Variants in CTIF observed in about 807,000 individuals in gnomAD.
CTIF encodes the protein cap binding complex dependent translation initiation factor.
In CTIF, 21 loss-of-function variants were observed where a neutral mutation model predicts 66.0. The ratio of observed to expected loss-of-function variants is 0.32; its 90% CI spans 0.23 to 0.46. The LOEUF (loss-of-function observed/expected upper bound fraction) is 0.46. CTIF is among the 20% of genes least tolerant of loss of function. The probability of loss-of-function intolerance (pLI) is 1.00; values close to 1 mark genes in which losing one functional copy is unlikely to be tolerated. For missense variants in CTIF, 739 were observed against 812.7 expected, an observed-to-expected ratio of 0.91 and a Z score of 1.10; for synonymous variants, 345 against 326.4, an observed-to-expected ratio of 1.06 and a Z score of -0.62.
In CTIF at chr18:48,639,230, G is replaced by T. The variant is rs181904309; in HGVS notation, c.252+2545G>T. ...CCTGTGCTGTATGAAATTGCTTACA[G>T]CCACGGAAACCTCTGAAGGTTGGAG... On this transcript the variant is annotated intron_variant, in intron 3 of 11. Coordinates refer to ENST00000256413, the MANE Select transcript of CTIF (RefSeq NM_014772.3). 4.5e-3 allele frequency among the ~76,000 whole-genome samples: 683 copies of T among 152,364 alleles called. 7 individuals are homozygous for T. The highest frequency in any genetic ancestry group is 0.016 in the African/African-American group (649 of 41,580).
At chr18:48,694,883 G>A (rs2091983216) in intron 6 of CTIF, among the ~76,000 whole-genome samples, 1 of 152,052 alleles carries the variant, frequency 6.6e-6, no homozygotes, top group South Asian at 2.1e-4. Flanking sequence ...TTAAAATACA[G>A]TTCCACACAG....
At chr18:48,620,082 G>C (rs537838950) in intron 2 of CTIF, among the ~76,000 whole-genome samples, 1 of 152,348 alleles carries the variant, frequency 6.6e-6, no homozygotes, top group South Asian at 2.1e-4. Context: ...TGTTCTAGGA[G>C]AGATCTGGAG....
chr18:48,854,555 A>G (rs1599171591), intron 10 of CTIF, among the ~76,000 whole-genome samples: 1 of 152,128 alleles, frequency 6.6e-6, no homozygotes, highest in Non-Finnish European at 1.5e-5. Context: ...CCTAGGCCAC[A>G]CTGCCACCAT....
chr18:48,756,729 T>TTTGA (rs1908401598), intron 7 of CTIF, among the ~76,000 whole-genome samples: 2 of 152,210 alleles, frequency 1.3e-5, no homozygotes, highest in South Asian at 4.1e-4. Context: ...GGAAGCAGCC[T>TTTGA]TTGAGCCAGC....
At chr18:48,788,915 G>A (rs1347972696) in intron 9 of CTIF, among the ~76,000 whole-genome samples, 1 of 152,140 alleles carries the variant, frequency 6.6e-6, no homozygotes, top group Admixed American at 6.5e-5. Flanking sequence ...ACTGAGTCTG[G>A]TTAACGATGG....
At chr18:48,818,729 T>C (rs2068421588) in intron 10 of CTIF, among the ~76,000 whole-genome samples, 1 of 152,000 alleles carries the variant, frequency 6.6e-6, no homozygotes, top group Admixed American at 6.6e-5. Context: ...CCCCATGTTG[T>C]ACCCTCCCAC....
chr18:48,855,894 C>T (rs1321181614), intron 10 of CTIF, among the ~76,000 whole-genome samples: 1 of 152,092 alleles, frequency 6.6e-6, no homozygotes, highest in Non-Finnish European at 1.5e-5. Context: ...TGCTTTGAGG[C>T]AAAGATGATA....
intron 2 of CTIF, among the ~76,000 whole-genome samples, chr18:48,625,432 C>T (rs982476438): frequency 5.9e-5 from 9 of 152,174 alleles, no homozygotes; most frequent in Non-Finnish European, 1.2e-4. Context: ...TTTATGCATA[C>T]ATTATCATGG....
intron 10 of CTIF, among the ~76,000 whole-genome samples, chr18:48,834,263 A>G (rs2068760722): frequency 6.6e-6 from 1 of 152,254 alleles, no homozygotes; most frequent in African/African-American, 2.4e-5. Context: ...GCCGTAGACG[A>G]TATGCAAATG....
chr18:48,851,582 C>G (rs916857854), intron 10 of CTIF, among the ~76,000 whole-genome samples: 3 of 152,138 alleles, frequency 2.0e-5, no homozygotes, highest in African/African-American at 4.8e-5. Flanking sequence ...AACCTCAGAA[C>G]CTGGCAGGCA....
At chr18:48,719,868 G>A (rs1217303027) in intron 7 of CTIF, among the ~76,000 whole-genome samples, 1 of 152,224 alleles carries the variant, frequency 6.6e-6, no homozygotes, top group East Asian at 1.9e-4. Flanking sequence ...GAGAAAATGT[G>A]TGTGTTAGAT....
chr18:48,619,319 C>G (rs1265626217), intron 1 of CTIF, among the ~76,000 whole-genome samples: 2 of 152,196 alleles, frequency 1.3e-5, no homozygotes, highest in Non-Finnish European at 2.9e-5. Flanking sequence ...GCCTGCATTC[C>G]CTGGGCCTCA....
At chr18:48,685,531 G>T (rs1333751958) in intron 6 of CTIF, among the ~76,000 whole-genome samples, 1 of 151,700 alleles carries the variant, frequency 6.6e-6, no homozygotes, top group Non-Finnish European at 1.5e-5. Flanking sequence ...CTGAGTATGT[G>T]CACTTTTTAA....
In CTIF at chr18:48,810,036, A is replaced by G. The variant is rs112999854; in HGVS notation, c.1372-7185A>G. 3.3e-5 allele frequency among the ~76,000 whole-genome samples: 5 copies of G among 152,096 alleles called. 1 individual carries two copies. The highest frequency in any genetic ancestry group is 1.2e-4 in the African/African-American group (5 of 41,534). ...GTTTTAGTTAAATGTTTAGATCAACATTGTCTGGTAGAAGTATAATGTGAT... is the reference window on the plus strand; with the variant it reads ...GTTTTAGTTAAATGTTTAGATCAACGTTGTCTGGTAGAAGTATAATGTGAT... On this transcript the variant is annotated intron_variant, in intron 9 of 11. Transcript: ENST00000256413.
intron 10 of CTIF, among the ~76,000 whole-genome samples, chr18:48,820,794 A>G (rs1222486425): frequency 1.3e-5 from 2 of 152,174 alleles, no homozygotes; most frequent in Non-Finnish European, 2.9e-5. Context: ...CCCACAGGCC[A>G]TCTCTGAGTG....
chr18:48,693,648 G>C (rs1461806444), intron 6 of CTIF, among the ~76,000 whole-genome samples: 2 of 152,204 alleles, frequency 1.3e-5, no homozygotes, highest in Non-Finnish European at 2.9e-5. Flanking sequence ...ACCCAGTAGA[G>C]AGAAGGGCCC....
At chr18:48,637,154 G>C (rs993238177) in intron 3 of CTIF, among the ~76,000 whole-genome samples, 3 of 152,202 alleles carry the variant, frequency 2.0e-5, no homozygotes, top group African/African-American at 4.8e-5. Flanking sequence ...GGCAGCCTGT[G>C]GGGGAGCTGT....
Position 48,790,379 on chromosome 18 carries a change from A to G in CTIF, c.1372-26842A>G, listed in dbSNP as rs184280113. ...GAGTTACAGCGGTGCTTCTTGGGCC[A>G]TGGGAGAAGGCTGTTTCTGGAGTGC... On this transcript the variant is annotated intron_variant, in intron 9 of 11. Coordinates refer to ENST00000256413, the MANE Select transcript of CTIF (RefSeq NM_014772.3). Among the ~76,000 whole-genome samples, 34 of 152,306 alleles carry G rather than the reference A, an allele frequency of 2.2e-4. No homozygotes were observed. The East Asian group carries it at 6.6e-3, about 29-fold the overall frequency.
At chr18:48,821,914 T>C (rs2068491136) in intron 10 of CTIF, among the ~76,000 whole-genome samples, 1 of 152,260 alleles carries the variant, frequency 6.6e-6, no homozygotes, top group Non-Finnish European at 1.5e-5. Flanking sequence ...GCCATAATGT[T>C]GTGCAGATCT....
Sources: allele counts gnomAD v4.1 joint callset (sites outside exome capture counted in the v4.1 genomes callset), GRCh38; gene constraint gnomAD v4.1.1; transcripts MANE v1.5; gene names NCBI Gene and HGNC (gene_info 2026-07-23, HGNC 2026-07-21).